The following LYRM4 variants were observed in gnomAD, a reference collection of about 807,000 sequenced individuals.
The protein encoded by LYRM4 is LYR motif containing 4.
Under a neutral mutation model 11.7 loss-of-function variants are expected in LYRM4, and 9 were observed. That is an observed-to-expected ratio of 0.77 (90% confidence interval 0.46 to 1.34). LYRM4 has a LOEUF of 1.34. LYRM4 is among the 40% of genes most tolerant of loss of function. The probability of loss-of-function intolerance (pLI) is 0.00; values close to 1 mark genes in which losing one functional copy is unlikely to be tolerated. For missense variants in LYRM4, 133 were observed against 112.5 expected, an observed-to-expected ratio of 1.18 and a Z score of -0.82; for synonymous variants, 42 against 40.4, an observed-to-expected ratio of 1.04 and a Z score of -0.15.
the LYRM4 span, among the ~76,000 whole-genome samples, chr6:5,048,239 G>A: frequency 5.7e-3 from 866 of 151,452 alleles, 7 homozygotes; most frequent in African/African-American, 0.019. Flanking sequence ...TGCTATCTTG[G>A]CTTCAGCAGA....
At chr6:5,251,809 C>T (rs1282994297) in intron 1 of LYRM4, among the ~76,000 whole-genome samples, 1 of 152,164 alleles carries the variant, frequency 6.6e-6, no homozygotes, top group Non-Finnish European at 1.5e-5. Context: ...GTTAAAAGAT[C>T]CGCAACAAGG....
chr6:5,240,316 C>T (rs1298256158), intron 1 of LYRM4, among the ~76,000 whole-genome samples: 1 of 152,102 alleles, frequency 6.6e-6, no homozygotes, highest in East Asian at 1.9e-4. Context: ...ACACTACTCC[C>T]CCTCCTCTGC....
intron 2 of LYRM4, among the ~76,000 whole-genome samples, chr6:5,147,149 C>A (rs1757772128): frequency 6.6e-6 from 1 of 152,168 alleles, no homozygotes; most frequent in Non-Finnish European, 1.5e-5. Context: ...AATTGGGTCA[C>A]AGGTAAGCTT....
At chr6:5,040,712 T>G in the LYRM4 span, among the ~76,000 whole-genome samples, 497 of 152,306 alleles carry the variant, frequency 3.3e-3, 2 homozygotes, top group African/African-American at 0.012. Flanking sequence ...ATTACCCTGA[T>G]TTGATTATTA....
intron 1 of LYRM4, among the ~76,000 whole-genome samples, chr6:5,234,651 T>C (rs1763433872): frequency 1.3e-5 from 2 of 152,022 alleles, no homozygotes; most frequent in Non-Finnish European, 2.9e-5. Flanking sequence ...AAACCCAAGG[T>C]TCTACATGAG....
intron 2 of LYRM4, among the ~76,000 whole-genome samples, chr6:5,165,534 T>C (rs1759027445): frequency 7.9e-6 from 1 of 127,258 alleles, no homozygotes; most frequent in African/African-American, 2.5e-5. Context: ...GTTTATTTTT[T>C]TTTCCTATTT....
the LYRM4 span, among the ~76,000 whole-genome samples, chr6:5,078,313 G>A: frequency 6.6e-6 from 1 of 151,636 alleles, no homozygotes; most frequent in Non-Finnish European, 1.5e-5. Context: ...ATGGGGCTCA[G>A]ACAGTGGACT....
At chr6:5,144,752 AGGAGCTGCATGTGTCTG>A (rs1757618950) in intron 2 of LYRM4, among the ~76,000 whole-genome samples, 1 of 150,900 alleles carries the variant, frequency 6.6e-6, no homozygotes, top group Non-Finnish European at 1.5e-5. Context: ...GCCTGGGAGC[AGGAGCTGCATGTGTCTG>A]GGAGCTGCAG....
At chr6:5,227,856 C>G (rs949206337) in intron 1 of LYRM4, among the ~76,000 whole-genome samples, 7 of 152,102 alleles carry the variant, frequency 4.6e-5, no homozygotes, top group Non-Finnish European at 1.0e-4. Flanking sequence ...AGCTGGAAAC[C>G]ATTATCCTCA....
chr6:5,186,074 G>A (rs1760374079), intron 2 of LYRM4, among the ~76,000 whole-genome samples: 4 of 152,184 alleles, frequency 2.6e-5, no homozygotes, highest in South Asian at 4.1e-4. Flanking sequence ...CTGGTTCAGC[G>A]CAGCATGGGG....
the LYRM4 span, among the ~76,000 whole-genome samples, chr6:5,081,724 GTTATT>G: frequency 6.6e-6 from 1 of 152,208 alleles, no homozygotes; most frequent in South Asian, 2.1e-4. Context: ...CATTGTTAGT[GTTATT>G]TTGTTGTAAC....
At chr6:5,096,512 C>T in the LYRM4 span, among the ~76,000 whole-genome samples, 614 of 152,078 alleles carry the variant, frequency 4.0e-3, 3 homozygotes, top group African/African-American at 0.014. Flanking sequence ...AAAATCCAAC[C>T]CTACCACTGA....
intron 2 of LYRM4, among the ~76,000 whole-genome samples, chr6:5,210,975 T>G (rs1179958040): frequency 1.3e-5 from 2 of 152,222 alleles, no homozygotes; most frequent in African/African-American, 4.8e-5. Context: ...ATCATTTTCA[T>G]GTATTTTAAA....
intron 2 of LYRM4, among the ~76,000 whole-genome samples, chr6:5,204,527 T>C (rs1252950321): frequency 6.6e-6 from 1 of 152,180 alleles, no homozygotes; most frequent in African/African-American, 2.4e-5. Flanking sequence ...AACAGGTAAC[T>C]GACTTCTCCC....
chr6:5,077,792 A>G, the LYRM4 span, among the ~76,000 whole-genome samples: 1 of 152,214 alleles, frequency 6.6e-6, no homozygotes, highest in Non-Finnish European at 1.5e-5. Context: ...AACAGCATGT[A>G]AAATAAATGA....
chr6:5,187,778 GAC>G (rs760341130), intron 2 of LYRM4, among the ~76,000 whole-genome samples: 1 of 151,772 alleles, frequency 6.6e-6, no homozygotes, highest in Non-Finnish European at 1.5e-5. Flanking sequence ...AAAAATAAAA[GAC>G]AGGTTTTTAT....
chr6:5,060,696 T>A, the LYRM4 span, among the ~76,000 whole-genome samples: 2 of 152,060 alleles, frequency 1.3e-5, no homozygotes, highest in African/African-American at 2.4e-5. Context: ...CCTGGGTAAT[T>A]TTTGTATTTT....
chr6:5,189,529 C>T (rs1224254500), intron 2 of LYRM4, among the ~76,000 whole-genome samples: 1 of 152,190 alleles, frequency 6.6e-6, no homozygotes, highest in Non-Finnish European at 1.5e-5. Context: ...GCCAGTAAGC[C>T]ACTAGTCCTG....
intron 2 of LYRM4, among the ~76,000 whole-genome samples, chr6:5,157,308 A>G (rs903112295): frequency 4.6e-5 from 7 of 152,238 alleles, no homozygotes; most frequent in Admixed American, 6.5e-5. Flanking sequence ...TAAATAAATA[A>G]GGACTTAGGT....
Sources: allele counts gnomAD v4.1 joint callset (sites outside exome capture counted in the v4.1 genomes callset), GRCh38; gene constraint gnomAD v4.1.1; transcripts MANE v1.5; gene names NCBI Gene and HGNC (gene_info 2026-07-23, HGNC 2026-07-21).